PPP6R3: variants seen among roughly 807,000 people sequenced by gnomAD.
PPP6R3 encodes protein phosphatase 6 regulatory subunit 3.
PPP6R3 carries 38 observed loss-of-function variants against 110.7 expected under a neutral mutation model. The ratio of observed to expected loss-of-function variants is 0.34; its 90% CI spans 0.26 to 0.45. The LOEUF (loss-of-function observed/expected upper bound fraction) is 0.45. PPP6R3 is among the 20% of genes least tolerant of loss of function. The pLI, the probability that PPP6R3 is intolerant of heterozygous loss-of-function variation, is 1.00. For missense variants in PPP6R3, 870 were observed against 1,062.4 expected, an observed-to-expected ratio of 0.82 and a Z score of 2.52; for synonymous variants, 369 against 373.5, an observed-to-expected ratio of 0.99 and a Z score of 0.14.
rs567775309 is a variant in PPP6R3 at position 68,500,152 on chromosome 11, TAAAAA to T, written c.-157-19348_-157-19344del. On this transcript the variant is annotated intron_variant, in intron 1 of 23. Coordinates refer to ENST00000393800, the MANE Select transcript of PPP6R3 (RefSeq NM_001164161.2). ...GTAACAACCACAAAGCCTCACATCT[TAAAAA>T]TAAAATGAACACACATTTGCTTGAT... Among the ~76,000 whole-genome samples the T allele has an allele frequency of 9.2e-5, 14 of 152,304 alleles. No homozygotes were observed. The East Asian group carries it at 2.7e-3, about 29-fold the overall frequency.
chr11:68,516,711 A>G (rs940458375), intron 1 of PPP6R3, among the ~76,000 whole-genome samples: 4 of 152,204 alleles, frequency 2.6e-5, no homozygotes, highest in African/African-American at 7.2e-5. Flanking sequence ...GTGTAGAACC[A>G]TAAGTGGACT....
At chr11:68,571,951 G>T (rs1187377355) in intron 12 of PPP6R3, among the ~76,000 whole-genome samples, 1 of 151,862 alleles carries the variant, frequency 6.6e-6, no homozygotes. Context: ...CTTGTTATGT[G>T]TCTCTGTGTC....
chr11:68,463,360 A>AG (rs1029613556), intron 1 of PPP6R3, among the ~76,000 whole-genome samples: 12 of 143,830 alleles, frequency 8.3e-5, no homozygotes, highest in Admixed American at 1.4e-4. Context: ...TCTCAGAAAA[A>AG]AAAAAAAAAA....
chr11:68,587,068 C>A (rs2099580816), intron 15 of PPP6R3: 1 of 152,146 alleles, frequency 6.6e-6, no homozygotes, highest in Non-Finnish European at 1.5e-5. Flanking sequence ...TTCATATGTT[C>A]TTTACTCCTG....
intron 1 of PPP6R3, among the ~76,000 whole-genome samples, chr11:68,467,230 A>G (rs746452469): frequency 2.0e-5 from 3 of 152,266 alleles, no homozygotes; most frequent in Non-Finnish European, 4.4e-5. Flanking sequence ...TTACAGATAT[A>G]AGGAGGCTCT....
At chr11:68,563,867 T>G (rs1379227257) in intron 8 of PPP6R3, among the ~76,000 whole-genome samples, 1 of 152,198 alleles carries the variant, frequency 6.6e-6, no homozygotes, top group Non-Finnish European at 1.5e-5. Context: ...ACCTTTTAAA[T>G]AGGAAATAAT....
intron 1 of PPP6R3, among the ~76,000 whole-genome samples, chr11:68,462,909 G>T (rs933491556): frequency 5.8e-4 from 88 of 152,298 alleles, no homozygotes; most frequent in African/African-American, 2.0e-3. Context: ...ACAGGAAGAA[G>T]ATTGTTTTCG....
chr11:68,519,727 C>A, intron 2 of PPP6R3, 76 bp downstream of exon 2: 1 of 396,670 alleles, frequency 2.5e-6, no homozygotes, highest in Non-Finnish European at 4.4e-6. Flanking sequence ...TTGTGAGACC[C>A]TGGAGTCTTA....
intron 19 of PPP6R3, among the ~76,000 whole-genome samples, chr11:68,599,802 G>A (rs1027971744): frequency 3.9e-5 from 6 of 152,172 alleles, no homozygotes; most frequent in African/African-American, 1.4e-4. Context: ...TCTCTGTGTA[G>A]TATTTCTTTT....
intron 8 of PPP6R3, among the ~76,000 whole-genome samples, chr11:68,562,819 CTT>C (rs1277705092): frequency 1.3e-5 from 2 of 152,104 alleles, no homozygotes; most frequent in Non-Finnish European, 2.9e-5. Flanking sequence ...AGGAGAAAAT[CTT>C]TGTCTCAGAG....
At chr11:68,589,016 G>A (rs924605340) in intron 16 of PPP6R3, among the ~76,000 whole-genome samples, 2 of 151,888 alleles carry the variant, frequency 1.3e-5, no homozygotes, top group Admixed American at 6.6e-5. Context: ...AGACCAGCCC[G>A]GCCAACGTGG....
At chr11:68,476,139 C>T (rs918612860) in intron 1 of PPP6R3, among the ~76,000 whole-genome samples, 22 of 152,288 alleles carry the variant, frequency 1.4e-4, no homozygotes, top group Middle Eastern at 3.4e-3. Context: ...TGTAGCTAGC[C>T]GAGATCACGC....
intron 1 of PPP6R3, among the ~76,000 whole-genome samples, chr11:68,516,131 T>C (rs907447464): frequency 1.3e-5 from 2 of 152,234 alleles, no homozygotes; most frequent in African/African-American, 4.8e-5. Flanking sequence ...CACGTCTTTA[T>C]GGTTCATCTA....
intron 2 of PPP6R3, among the ~76,000 whole-genome samples, chr11:68,529,056 A>G (rs901656727): frequency 2.6e-5 from 4 of 152,246 alleles, no homozygotes; most frequent in African/African-American, 9.6e-5. Context: ...TCTGTTTTCT[A>G]GAGGTTGAGT....
At position 68,603,477 on chromosome 11, in the gene PPP6R3, C is replaced by T. The variant is rs781026787; in HGVS notation, c.2435C>T (p.Thr812Ile). 2.5e-5 allele frequency: 40 copies of T among 1,614,018 alleles called. No homozygotes were observed. The highest frequency in any genetic ancestry group is 3.3e-5 in the Non-Finnish European group (39 of 1,179,996). The change falls in exon 22 of 24, where the codon ACT becomes ATT. Residue 812 changes from threonine (T) to isoleucine (I), a missense_variant. Physicochemically the swap from Thr to Ile is moderately conservative, Grantham distance 89. Transcript: ENST00000393800. Reference protein sequence around the residue: ...LSLTVDAKTETAVFKSEEGKL... With the variant: ...LSLTVDAKTEIAVFKSEEGKL... The stretch of plus-strand genomic sequence containing the variant: ...CTCACTGTAGATGCCAAGACAGAGA[C>T]TGCGGTCTTCAAAAGGTAACCAGGG...
chr11:68,534,703 T>C (rs2099260124), intron 2 of PPP6R3, among the ~76,000 whole-genome samples: 1 of 152,212 alleles, frequency 6.6e-6, no homozygotes, highest in African/African-American at 2.4e-5. Flanking sequence ...GATTTATTTC[T>C]TAGTATTTTT....
chr11:68,525,487 C>T (rs927888190), intron 2 of PPP6R3, among the ~76,000 whole-genome samples: 3 of 152,158 alleles, frequency 2.0e-5, no homozygotes, highest in Non-Finnish European at 4.4e-5. Flanking sequence ...AGGTTGCATA[C>T]TGTAAAACAT....
At chr11:68,588,272 G>C (rs1034837769) in intron 16 of PPP6R3, among the ~76,000 whole-genome samples, 1 of 152,074 alleles carries the variant, frequency 6.6e-6, no homozygotes, top group Non-Finnish European at 1.5e-5. Context: ...GCTGAGGCAG[G>C]CGGATCACTT....
At chr11:68,566,575 G>T (rs955542731) in intron 9 of PPP6R3, among the ~76,000 whole-genome samples, 1 of 152,030 alleles carries the variant, frequency 6.6e-6, no homozygotes, top group Non-Finnish European at 1.5e-5. Context: ...TGCCCAGGCT[G>T]GTCTCAAACT....
Sources: gnomAD v4.1 joint callset for allele counts (sites outside exome capture counted in the v4.1 genomes callset) on GRCh38, gnomAD v4.1.1 for gene constraint, MANE v1.5 for transcripts, NCBI Gene and HGNC (gene_info 2026-07-23, HGNC 2026-07-21) for gene names.